Variants in INPP4B observed in about 807,000 individuals in gnomAD.
INPP4B encodes inositol polyphosphate-4-phosphatase type II B, also known as inositol polyphosphate 4-phosphatase type II.
Under a neutral mutation model 122.5 loss-of-function variants are expected in INPP4B, and 55 were observed. The observed-to-expected ratio is 0.45, with a 90% CI of 0.36 to 0.56. The LOEUF is 0.56. Ranked by LOEUF, INPP4B falls within the 20% of genes least tolerant of loss-of-function variation. INPP4B has a pLI of 0.00. For missense variants in INPP4B, 1,000 were observed against 1,097.7 expected (o/e 0.91, Z 1.26); for synonymous variants, 403 against 388.7 (o/e 1.04, Z -0.43).
rs900930818 is a variant in INPP4B at position 142,026,228 on chromosome 4, T to C, written c.*2554A>G. On this transcript the variant is annotated 3_prime_UTR_variant, in exon 26 of 26. Transcript: ENST00000262992. ...TTTAAACACTTTAACATTTGCTCTT[T>C]GATTTAGCCTTAATAACTTAAGAAA... 4 of 152,204 alleles carry C rather than the reference T, an allele frequency of 2.6e-5. No individual in the cohort carries two copies. Among genetic ancestry groups the C allele is most frequent in the African/African-American group, 9.6e-5 (4 of 41,464 alleles). The allele number at this position is 152,204 out of a possible 1,614,324, so 9.4% of individuals were successfully genotyped here.
rs539303220 is a variant in INPP4B, at chr4:142,223,191, T to C, written c.837-14165A>G. On this transcript the variant is annotated intron_variant, in intron 12 of 25. Transcript: ENST00000262992. ...CAGGGCTGTTCCACACATATGTGCA[T>C]GCACACACACACACACACACACACT... Among the ~76,000 whole-genome samples, 20 of 150,424 alleles carry C rather than the reference T, an allele frequency of 1.3e-4. No homozygotes were observed. The South Asian group carries it at 4.0e-3, about 30-fold the overall frequency.
intron 9 of INPP4B, among the ~76,000 whole-genome samples, chr4:142,273,021 T>C (rs1000291603): frequency 2.6e-5 from 4 of 152,014 alleles, no homozygotes; most frequent in African/African-American, 7.2e-5. Flanking sequence ...TAATAAACCG[T>C]ATATGTCATA....
At chr4:142,398,686 T>C (rs1227584356) in intron 7 of INPP4B, among the ~76,000 whole-genome samples, 4 of 151,930 alleles carry the variant, frequency 2.6e-5, no homozygotes, top group Non-Finnish European at 5.9e-5. Context: ...AACTGGATAC[T>C]ACTGTCTAGG....
At chr4:142,764,828 G>A (rs1183873705) in intron 1 of INPP4B, among the ~76,000 whole-genome samples, 6 of 151,804 alleles carry the variant, frequency 4.0e-5, no homozygotes, top group East Asian at 3.9e-4. Context: ...GCTAGAACAC[G>A]GAGGTTAAGG....
At chr4:142,824,595 A>G (rs991150196) in intron 1 of INPP4B, among the ~76,000 whole-genome samples, 14 of 152,174 alleles carry the variant, frequency 9.2e-5, no homozygotes, top group Non-Finnish European at 1.9e-4. Flanking sequence ...CAAAGGCACA[A>G]TCCAGAAGCT....
chr4:142,481,200 A>G (rs1820497918), intron 2 of INPP4B, among the ~76,000 whole-genome samples: 1 of 151,630 alleles, frequency 6.6e-6, no homozygotes, highest in Non-Finnish European at 1.5e-5. Flanking sequence ...ACTACAAATG[A>G]GTGAGAGAAC....
intron 12 of INPP4B, among the ~76,000 whole-genome samples, chr4:142,211,213 G>A (rs1187228998): frequency 2.0e-5 from 3 of 151,890 alleles, no homozygotes; most frequent in Non-Finnish European, 2.9e-5. Context: ...AAACAAAATG[G>A]GGCAGAGTAA....
chr4:142,708,554 CCA>C (rs1162960129), intron 2 of INPP4B, among the ~76,000 whole-genome samples: 1 of 152,126 alleles, frequency 6.6e-6, no homozygotes, highest in Non-Finnish European at 1.5e-5. Flanking sequence ...TAAAAGGGCC[CCA>C]GATACATCTC....
intron 21 of INPP4B, among the ~76,000 whole-genome samples, chr4:142,116,295 C>T (rs547323448): frequency 6.6e-6 from 1 of 152,254 alleles, no homozygotes; most frequent in Admixed American, 6.5e-5. Flanking sequence ...TTGAACTCAG[C>T]TCTGCACCAA....
intron 23 of INPP4B, among the ~76,000 whole-genome samples, chr4:142,100,297 T>C (rs377017636): frequency 2.0e-5 from 3 of 152,054 alleles, no homozygotes; most frequent in Admixed American, 6.6e-5. Flanking sequence ...TAAGGGCCCC[T>C]GGAAGTGGTT....
chr4:142,467,004 C>T (rs552819821), intron 2 of INPP4B, among the ~76,000 whole-genome samples: 3 of 152,308 alleles, frequency 2.0e-5, no homozygotes, highest in Admixed American at 6.5e-5. Flanking sequence ...GCCACTCCCA[C>T]CTAGATTTTA....
At position 142,293,489 on chromosome 4, in the gene INPP4B, T is replaced by C. The variant is rs145807390; in HGVS notation, c.503+11969A>G. On this transcript the variant is annotated intron_variant, in intron 9 of 25. Coordinates refer to ENST00000262992, the MANE Select transcript of INPP4B (RefSeq NM_001101669.3). ...AAGTAAAACAACATAAACTTGCCTA[T>C]TACTTCCGTCTTATTCTACATATTT... 6.6e-4 allele frequency among the ~76,000 whole-genome samples: 101 copies of C among 152,328 alleles called. 1 individual carries two copies. In the East Asian group the frequency reaches 0.016, roughly 24 times the overall value.
At chr4:142,712,920 C>T (rs148914385) in intron 2 of INPP4B, among the ~76,000 whole-genome samples, 202 of 152,284 alleles carry the variant, frequency 1.3e-3, no homozygotes, top group African/African-American at 4.6e-3. Context: ...GAATAACAAA[C>T]ATGTCCAGGC....
At chr4:142,329,919 T>C (rs997961209) in intron 7 of INPP4B, among the ~76,000 whole-genome samples, 7 of 152,130 alleles carry the variant, frequency 4.6e-5, no homozygotes, top group Non-Finnish European at 8.8e-5. Context: ...ACACAGCCTA[T>C]GAAGTAAAAA....
chr4:142,737,835 G>A (rs1426400600), intron 1 of INPP4B, among the ~76,000 whole-genome samples: 9 of 152,198 alleles, frequency 5.9e-5, no homozygotes, highest in Non-Finnish European at 1.2e-4. Flanking sequence ...AGACATTTAT[G>A]CAGCCAAAAA....
chr4:142,096,636 TTCTC>T (rs923786943), intron 23 of INPP4B, among the ~76,000 whole-genome samples: 3 of 152,160 alleles, frequency 2.0e-5, no homozygotes, highest in Non-Finnish European at 4.4e-5. Context: ...AGTTAAAAAA[TTCTC>T]TCAATCTTTT....
intron 25 of INPP4B, among the ~76,000 whole-genome samples, chr4:142,038,164 A>G (rs1463706485): frequency 6.6e-6 from 1 of 152,174 alleles, no homozygotes; most frequent in South Asian, 2.1e-4. Context: ...TAGAATATTA[A>G]AAGTCGAGTT....
chr4:142,136,010 G>T (rs1481798458), intron 18 of INPP4B, among the ~76,000 whole-genome samples: 1 of 152,164 alleles, frequency 6.6e-6, no homozygotes, highest in Non-Finnish European at 1.5e-5. Context: ...TGTTAGCCAG[G>T]ATGGTCTCGA....
At chr4:142,718,940 G>C (rs1263733869) in intron 2 of INPP4B, among the ~76,000 whole-genome samples, 1 of 152,086 alleles carries the variant, frequency 6.6e-6, no homozygotes, top group Non-Finnish European at 1.5e-5. Flanking sequence ...AGCTCAGTTA[G>C]CCCCACCTCA....
Sources: allele counts gnomAD v4.1 joint callset (sites outside exome capture counted in the v4.1 genomes callset), GRCh38; gene constraint gnomAD v4.1.1; transcripts MANE v1.5; gene names NCBI Gene and HGNC (gene_info 2026-07-23, HGNC 2026-07-21).